The following CPA6 variants were observed in gnomAD, a reference collection of about 807,000 sequenced individuals.
CPA6 encodes the protein carboxypeptidase B.
CPA6 carries 58 observed loss-of-function variants against 63.3 expected under a neutral mutation model. The observed-to-expected ratio is 0.92, with a 90% CI of 0.74 to 1.14. The LOEUF is 1.14. CPA6 is among the 50% of genes most tolerant of loss of function. The pLI is 0.00. For synonymous variants in CPA6, 185 were observed against 179.0 expected (o/e 1.03, Z -0.27); for missense variants, 565 against 526.6 (o/e 1.07, Z -0.71).
In CPA6 at chr8:67,624,048, C is replaced by A. The variant is rs1240882868; in HGVS notation, c.192+128G>T. 8 of 546,374 alleles carry A rather than the reference C, an allele frequency of 1.5e-5. No homozygotes were observed. The African/African-American group carries it at 1.6e-4, about 11-fold the overall frequency. 33.8% of individuals were successfully genotyped at this position (546,374 alleles called of 1,614,324 possible). On this transcript the variant is annotated intron_variant, in intron 2 of 10. Coordinates refer to ENST00000297770, the MANE Select transcript of CPA6 (RefSeq NM_020361.5). The stretch of plus-strand genomic sequence containing the variant: ...AATAAAATAAAATAAAATAAAAGCT[C>A]TTTCAAGTTATCTCCTTAGCCTTTA...
intron 2 of CPA6, among the ~76,000 whole-genome samples, chr8:67,536,076 G>C (rs1330601184): frequency 6.6e-6 from 1 of 151,976 alleles, no homozygotes; most frequent in East Asian, 1.9e-4. Context: ...ATCTGTTTTG[G>C]TACCAGTACC....
chr8:67,655,526 CT>C (rs1227537516), intron 1 of CPA6, among the ~76,000 whole-genome samples: 3 of 152,164 alleles, frequency 2.0e-5, no homozygotes, highest in Non-Finnish European at 4.4e-5. Flanking sequence ...CATTTAAAGT[CT>C]TTACTCAAAA....
At chr8:67,669,841 G>A (rs1426951691) in intron 1 of CPA6, among the ~76,000 whole-genome samples, 1 of 151,246 alleles carries the variant, frequency 6.6e-6, no homozygotes, top group Non-Finnish European at 1.5e-5. Flanking sequence ...GGAGCCACGG[G>A]ACATGGAAAA....
intron 2 of CPA6, among the ~76,000 whole-genome samples, chr8:67,557,979 T>C (rs1813106807): frequency 6.6e-6 from 1 of 152,104 alleles, no homozygotes; most frequent in Non-Finnish European, 1.5e-5. Context: ...CCCATTGCCC[T>C]TAGAACAAAG....
chr8:67,738,967 C>T (rs1817865147), intron 1 of CPA6, among the ~76,000 whole-genome samples: 1 of 152,298 alleles, frequency 6.6e-6, no homozygotes, highest in Non-Finnish European at 1.5e-5. Flanking sequence ...TTGTAGCTTG[C>T]ACAATATAGG....
chr8:67,589,536 A>C (rs1350710828), intron 2 of CPA6, among the ~76,000 whole-genome samples: 1 of 152,156 alleles, frequency 6.6e-6, no homozygotes, highest in African/African-American at 2.4e-5. Context: ...CCACTTCTAA[A>C]CTTCAAATGT....
intron 2 of CPA6, among the ~76,000 whole-genome samples, chr8:67,592,274 C>T (rs1814150982): frequency 6.6e-6 from 1 of 152,196 alleles, no homozygotes; most frequent in Non-Finnish European, 1.5e-5. Context: ...TGATGTGTTG[C>T]TGGATTCCGT....
chr8:67,737,350 T>C (rs1477556), intron 1 of CPA6, among the ~76,000 whole-genome samples: 97,102 of 152,136 alleles, frequency 0.64, 34,276 homozygotes, highest in Non-Finnish European at 0.77. Context: ...CTAGTTGTTC[T>C]TGATGACTGA....
chr8:67,634,790 T>G (rs2128988847), intron 1 of CPA6, among the ~76,000 whole-genome samples: 1 of 151,712 alleles, frequency 6.6e-6, no homozygotes, highest in South Asian at 2.1e-4. Context: ...TGGTGATGAG[T>G]TTATAGTCAC....
chr8:67,447,654 T>C (rs1364394490), intron 8 of CPA6, among the ~76,000 whole-genome samples: 1 of 152,154 alleles, frequency 6.6e-6, no homozygotes, highest in African/African-American at 2.4e-5. Context: ...GCTAAGATTG[T>C]TACTATTTAT....
intron 8 of CPA6, among the ~76,000 whole-genome samples, chr8:67,461,512 T>C (rs1485643112): frequency 2.0e-5 from 3 of 152,078 alleles, no homozygotes; most frequent in Admixed American, 6.5e-5. Flanking sequence ...TTCCCCACCT[T>C]TCCCCGCTTT....
intron 2 of CPA6, among the ~76,000 whole-genome samples, chr8:67,597,879 T>G (rs918030260): frequency 6.6e-6 from 1 of 152,246 alleles, no homozygotes; most frequent in African/African-American, 2.4e-5. Context: ...TCTTTAATTA[T>G]GTGTGGACAT....
At chr8:67,699,515 A>G (rs1816978008) in intron 1 of CPA6, among the ~76,000 whole-genome samples, 1 of 152,124 alleles carries the variant, frequency 6.6e-6, no homozygotes, top group Non-Finnish European at 1.5e-5. Flanking sequence ...AAACAAACAA[A>G]CAAACATTTA....
chr8:67,504,091 C>T (rs1490682877), intron 6 of CPA6, among the ~76,000 whole-genome samples: 3 of 152,150 alleles, frequency 2.0e-5, no homozygotes, highest in Non-Finnish European at 1.5e-5. Flanking sequence ...AGTGACTTGA[C>T]ATTAAGATAA....
intron 1 of CPA6, among the ~76,000 whole-genome samples, chr8:67,652,757 G>A (rs1815878757): frequency 6.6e-6 from 1 of 151,868 alleles, no homozygotes; most frequent in Non-Finnish European, 1.5e-5. Flanking sequence ...GATCCCATTT[G>A]TCAATTTTGG....
At chr8:67,445,763 G>C (rs1030965424) in intron 8 of CPA6, among the ~76,000 whole-genome samples, 1 of 152,124 alleles carries the variant, frequency 6.6e-6, no homozygotes, top group African/African-American at 2.4e-5. Context: ...ACTGGCATTT[G>C]TATGGAAAAG....
chr8:67,705,899 AG>A (rs1817124281), intron 1 of CPA6, among the ~76,000 whole-genome samples: 1 of 152,218 alleles, frequency 6.6e-6, no homozygotes, highest in Admixed American at 6.5e-5. Context: ...TCCTAATAGA[AG>A]GAAAATGAAT....
At chr8:67,552,238 A>T (rs939531544) in intron 2 of CPA6, among the ~76,000 whole-genome samples, 1 of 152,248 alleles carries the variant, frequency 6.6e-6, no homozygotes, top group Non-Finnish European at 1.5e-5. Context: ...ATTGAAATTC[A>T]TAAACGGAAT....
intron 1 of CPA6, among the ~76,000 whole-genome samples, chr8:67,643,643 C>T (rs1214137504): frequency 6.6e-6 from 1 of 151,932 alleles, no homozygotes; most frequent in African/African-American, 2.4e-5. Context: ...GAAGGAAGTA[C>T]ACATGGGAGG....
Sources: gnomAD v4.1 joint callset for allele counts (sites outside exome capture counted in the v4.1 genomes callset) on GRCh38, gnomAD v4.1.1 for gene constraint, MANE v1.5 for transcripts, NCBI Gene and HGNC (gene_info 2026-07-23, HGNC 2026-07-21) for gene names.